Variants in IL17D observed in about 807,000 individuals in gnomAD.
IL17D encodes the protein interleukin-17D.
In IL17D, 10 loss-of-function variants were observed where a neutral mutation model predicts 5.7. The observed-to-expected ratio is 1.75, with a 90% CI of 1.08 to 2.97. The LOEUF (loss-of-function observed/expected upper bound fraction) is 2.97. Among genes scored for constraint, IL17D ranks in the 30% most tolerant of loss-of-function variants. IL17D has a pLI of 0.00. For synonymous variants in IL17D, 172 were observed against 141.7 expected (o/e 1.21, Z -1.52); for missense variants, 354 against 292.7 (o/e 1.21, Z -1.53).
intron 1 of IL17D, among the ~76,000 whole-genome samples, chr13:20,720,897 G>A: frequency 3.4e-5 from 1 of 29,178 alleles, no homozygotes; most frequent in South Asian, 1.1e-3. Flanking sequence ...TCCCCCGGCA[G>A]ACTCCCTCCT....
At chr13:20,717,645 C>T (rs41488946) in intron 1 of IL17D, among the ~76,000 whole-genome samples, 2,049 of 152,288 alleles carry the variant, frequency 0.013, 54 homozygotes, top group African/African-American at 0.047. Flanking sequence ...GGCAGCAGGG[C>T]ATGGTAGATG....
Position 20,722,031 on chromosome 13 carries a change from C to G in IL17D, c.*77C>G. Reference sequence around the variant, plus strand: ...GCTGGAGCCGCCTGGAGGGCTCGGTCGGCGACCTCTGAAGAGAGTGCACCG... The same window carrying G: ...GCTGGAGCCGCCTGGAGGGCTCGGTGGGCGACCTCTGAAGAGAGTGCACCG... On this transcript the variant is annotated 3_prime_UTR_variant, in exon 2 of 2. Coordinates refer to ENST00000682841, the MANE Select transcript of IL17D (RefSeq NM_001385224.1). The G allele has an allele frequency of 1.6e-6, 2 of 1,274,474 alleles. No individual in the cohort carries two copies. The highest frequency in any genetic ancestry group is 2.1e-6 in the Non-Finnish European group (2 of 947,646). The allele number at this position is 1,274,474 out of a possible 1,614,324, so 78.9% of individuals were successfully genotyped here.
intron 1 of IL17D, among the ~76,000 whole-genome samples, chr13:20,711,896 T>C (rs2141388657): frequency 6.6e-6 from 1 of 152,382 alleles, no homozygotes; most frequent in Non-Finnish European, 1.5e-5. Flanking sequence ...GCTATACAGC[T>C]GTGAAGACTG....
intron 1 of IL17D, among the ~76,000 whole-genome samples, chr13:20,719,681 G>C (rs937290216): frequency 1.3e-5 from 2 of 152,216 alleles, no homozygotes; most frequent in Non-Finnish European, 2.9e-5. Flanking sequence ...AAAATGCTGA[G>C]ATCGGAAAAT....
chr13:20,708,829 C>G (rs1453987359), intron 1 of IL17D, among the ~76,000 whole-genome samples: 3 of 110,712 alleles, frequency 2.7e-5, no homozygotes, highest in Non-Finnish European at 5.6e-5. Context: ...GAAACCCCAT[C>G]TCTACTAAAA....
rs146438044 is a variant in IL17D at position 20,721,740 on chromosome 13, G to A, written c.395G>A (p.Arg132His). 6.2e-7 allele frequency: 1 copy of A among 1,610,580 alleles called. No homozygotes were observed. The highest frequency in any genetic ancestry group is 8.5e-7 in the Non-Finnish European group (1 of 1,179,508). Reference protein sequence around the residue: ...GLFGEEDVRFRSAPVYMPTVV... With the variant: ...GLFGEEDVRFHSAPVYMPTVV... ...TTCGGCGAGGAGGACGTGCGCTTCC[G>A]CAGCGCCCCTGTCTACATGCCCACC... is the stretch of plus-strand genomic sequence containing the variant. Residue 132 changes from arginine (R) to histidine (H), a missense_variant, in exon 2 of 2, where the codon CGC (arginine) becomes CAC (histidine). By Grantham distance (29) the Arg-to-His change is conservative (BLOSUM62 0). Transcript: ENST00000682841.
At chr13:20,711,935 C>G (rs1309122553) in intron 1 of IL17D, among the ~76,000 whole-genome samples, 2 of 152,236 alleles carry the variant, frequency 1.3e-5, no homozygotes, top group African/African-American at 2.4e-5. Context: ...AAGGATATCC[C>G]CTACTTACTA....
chr13:20,702,053 C>A (rs1290787837), upstream of IL17D: 1 of 152,178 alleles, frequency 6.6e-6, no homozygotes, highest in East Asian at 1.9e-4. Flanking sequence ...CTGAGTATTT[C>A]TATGAAACCC....
At chr13:20,715,361 A>G (rs949122276) in intron 1 of IL17D, among the ~76,000 whole-genome samples, 32 of 152,194 alleles carry the variant, frequency 2.1e-4, no homozygotes, top group Admixed American at 2.1e-3. Context: ...TGGGTTAATA[A>G]TGACCTTATG....
chr13:20,714,395 A>T (rs2058663126), intron 1 of IL17D, among the ~76,000 whole-genome samples: 1 of 152,214 alleles, frequency 6.6e-6, no homozygotes, highest in African/African-American at 2.4e-5. Context: ...CGTGAGGCTT[A>T]GGCAGCTTGG....
intron 1 of IL17D, among the ~76,000 whole-genome samples, chr13:20,709,327 C>T (rs1053890115): frequency 2.6e-5 from 4 of 151,992 alleles, no homozygotes; most frequent in Non-Finnish European, 5.9e-5. Context: ...ACACACTTGC[C>T]CACGTGCCAA....
Position 20,716,313 on chromosome 13 carries a change from C to T in IL17D, c.291-5323C>T, listed in dbSNP as rs1252387716. Among the ~76,000 whole-genome samples, 2 of 152,084 alleles carry T rather than the reference C, an allele frequency of 1.3e-5. No individual in the cohort carries two copies. The highest frequency in any genetic ancestry group is 2.9e-5 in the Non-Finnish European group (2 of 68,020). ...CAAAATTGTCTTGAGTATTCTTGGC[C>T]CTTTTCTTCTCTCTCTATGAATTTT... is the stretch of plus-strand genomic sequence containing the variant. On this transcript the variant is annotated intron_variant, in intron 1 of 1. Coordinates refer to ENST00000682841, the MANE Select transcript of IL17D (RefSeq NM_001385224.1). This position sits in a 1 kb window ranked among gnomAD's most constrained non-coding sequence, Gnocchi z 4.2.
intron 1 of IL17D, among the ~76,000 whole-genome samples, chr13:20,711,936 C>T (rs899859934): frequency 6.6e-6 from 1 of 152,246 alleles, no homozygotes; most frequent in Admixed American, 6.5e-5. Context: ...AGGATATCCC[C>T]TACTTACTAA....
chr13:20,712,310 C>T (rs1161926418), intron 1 of IL17D: 1 of 152,384 alleles, frequency 6.6e-6, no homozygotes, highest in African/African-American at 2.4e-5. Flanking sequence ...GACACCAGGC[C>T]GGGTGCAGTG....
intron 1 of IL17D, among the ~76,000 whole-genome samples, chr13:20,708,075 G>A (rs1287240157): frequency 3.3e-5 from 5 of 152,152 alleles, no homozygotes; most frequent in Admixed American, 3.3e-4. Flanking sequence ...ACCACGCCCA[G>A]CTAATTTTTG....
intron 1 of IL17D, chr13:20,715,925 AT>A: frequency 6.4e-6 from 1 of 156,554 alleles, no homozygotes; most frequent in Non-Finnish European, 1.4e-5. Context: ...TCTTTTACGT[AT>A]TTTTTGTAGA....
At chr13:20,721,298 G>C (rs998866248) in intron 1 of IL17D, among the ~76,000 whole-genome samples, 2 of 152,326 alleles carry the variant, frequency 1.3e-5, no homozygotes, top group African/African-American at 2.4e-5. Flanking sequence ...GGGAAGCAGC[G>C]GCTCCGGGGC....
chr13:20,708,204 C>T lies in IL17D; in HGVS notation c.290+3913C>T, dbSNP rs139319604. On this transcript the variant is annotated intron_variant, in intron 1 of 1. Coordinates refer to ENST00000682841, the MANE Select transcript of IL17D (RefSeq NM_001385224.1). Reference sequence around the variant, plus strand: ...CTGGGATTACAGGCCCAAGCCACCACGCCCTAAAGGCACAGCAGTCAGAGA... The same window carrying T: ...CTGGGATTACAGGCCCAAGCCACCATGCCCTAAAGGCACAGCAGTCAGAGA... Among the ~76,000 whole-genome samples, 312 of 152,342 alleles carry T rather than the reference C, an allele frequency of 2.0e-3. 1 individual carries two copies. The highest frequency in any genetic ancestry group is 6.5e-3 in the African/African-American group (270 of 41,574).
intron 1 of IL17D, chr13:20,713,039 C>T (rs1302244466): frequency 6.6e-6 from 1 of 150,470 alleles, no homozygotes; most frequent in Non-Finnish European, 1.5e-5. Flanking sequence ...CCTTGGGTCC[C>T]TGCTTCCAAA....
Sources: gnomAD v4.1 joint callset for allele counts (sites outside exome capture counted in the v4.1 genomes callset) on GRCh38, gnomAD v4.1.1 for gene constraint, Gnocchi (gnomAD v3.1) non-coding constraint, MANE v1.5 for transcripts, NCBI Gene and HGNC (gene_info 2026-07-23, HGNC 2026-07-21) for gene names.